The following RBFOX1 variants were observed in gnomAD, a reference collection of about 807,000 sequenced individuals.
RBFOX1 encodes RNA binding fox-1 homolog 1.
RBFOX1 carries 8 observed loss-of-function variants against 57.7 expected under a neutral mutation model. That is an observed-to-expected ratio of 0.14 (90% CI 0.08 to 0.25). The LOEUF is 0.25. RBFOX1 is among the 10% of genes least tolerant of loss of function. The pLI is 1.00. For missense variants in RBFOX1, 611 were observed against 548.5 expected (o/e 1.11, Z -1.14); for synonymous variants, 326 against 222.4 (o/e 1.47, Z -4.15).
At chr16:5,599,009 T>G in exon 3 of RBFOX1, 1 of 1,441,890 alleles carries the variant, frequency 6.9e-7, no homozygotes, top group Non-Finnish European at 9.4e-7. Context: ...AAACTACTTT[T>G]GCATCCTTTT....
intron 1 of RBFOX1, among the ~76,000 whole-genome samples, chr16:5,315,830 C>G (rs774925022): frequency 6.6e-6 from 1 of 152,128 alleles, no homozygotes; most frequent in African/African-American, 2.4e-5. Flanking sequence ...GGATGTCCAC[C>G]TCTGTGCTCA....
At chr16:5,517,449 G>A (rs1432660203) in intron 2 of RBFOX1, among the ~76,000 whole-genome samples, 1 of 152,050 alleles carries the variant, frequency 6.6e-6, no homozygotes, top group African/African-American at 2.4e-5. Context: ...TTTTCGGCTT[G>A]GCTTCCAATA....
chr16:6,498,784 T>C (rs557976734), intron 2 of RBFOX1, among the ~76,000 whole-genome samples: 9 of 152,324 alleles, frequency 5.9e-5, no homozygotes, highest in East Asian at 1.9e-4. Context: ...CAGAGTCCTA[T>C]TGAGGAAAGA....
intron 10 of RBFOX1, among the ~76,000 whole-genome samples, chr16:7,628,931 G>C (rs891997621): frequency 6.6e-6 from 1 of 152,164 alleles, no homozygotes; most frequent in Non-Finnish European, 1.5e-5. Flanking sequence ...GTTTTTAAAT[G>C]AAGAAGAAAG....
chr16:6,288,829 G>T (rs1353414227), intron 1 of RBFOX1, among the ~76,000 whole-genome samples: 1 of 152,000 alleles, frequency 6.6e-6, no homozygotes, highest in East Asian at 1.9e-4. Flanking sequence ...ACCTGCTTGG[G>T]GTACTACTGA....
chr16:6,806,060 A>T (rs888803399), intron 3 of RBFOX1, among the ~76,000 whole-genome samples: 7 of 152,214 alleles, frequency 4.6e-5, no homozygotes, highest in African/African-American at 1.7e-4. Context: ...GAAGTCATCC[A>T]GCAGCTTGGA....
chr16:5,693,200 T>G (rs2050744800), intron 3 of RBFOX1, among the ~76,000 whole-genome samples: 1 of 152,142 alleles, frequency 6.6e-6, no homozygotes, highest in Non-Finnish European at 1.5e-5. Flanking sequence ...TCTTCTCTCC[T>G]GCCCATGGGC....
intron 3 of RBFOX1, among the ~76,000 whole-genome samples, chr16:6,779,056 C>A (rs752972450): frequency 1.3e-5 from 2 of 151,938 alleles, no homozygotes; most frequent in Non-Finnish European, 2.9e-5. Flanking sequence ...ATATACAATG[C>A]ATTATTGTTA....
chr16:5,810,291 A>T (rs1295856301), intron 3 of RBFOX1, among the ~76,000 whole-genome samples: 1 of 152,090 alleles, frequency 6.6e-6, no homozygotes, highest in East Asian at 1.9e-4. Flanking sequence ...TAACCTGCAC[A>T]TTGTGCACAT....
chr16:7,119,554 A>G (rs1167150892), intron 4 of RBFOX1, among the ~76,000 whole-genome samples: 2 of 152,106 alleles, frequency 1.3e-5, no homozygotes, highest in Non-Finnish European at 2.9e-5. Flanking sequence ...ATGTTTCACT[A>G]CATATCAAAG....
chr16:7,467,791 C>T (rs2060801009), intron 4 of RBFOX1, among the ~76,000 whole-genome samples: 1 of 152,204 alleles, frequency 6.6e-6, no homozygotes, highest in Non-Finnish European at 1.5e-5. Context: ...TTGGAAATTA[C>T]TTTTGCCCTG....
At chr16:7,593,033 T>C (rs1215700409) in intron 7 of RBFOX1, among the ~76,000 whole-genome samples, 1 of 151,466 alleles carries the variant, frequency 6.6e-6, no homozygotes, top group Non-Finnish European at 1.5e-5. Flanking sequence ...CAGCCTGGTC[T>C]CAAACTCCTG....
intron 3 of RBFOX1, among the ~76,000 whole-genome samples, chr16:6,814,562 A>G (rs1026240716): frequency 7.9e-5 from 12 of 152,132 alleles, no homozygotes; most frequent in Admixed American, 2.0e-4. Context: ...GGGAAGTTAC[A>G]CTGATGAGCA....
chr16:5,585,576 G>A (rs1185372221), intron 2 of RBFOX1, among the ~76,000 whole-genome samples: 1 of 152,230 alleles, frequency 6.6e-6, no homozygotes, highest in African/African-American at 2.4e-5. Flanking sequence ...GCAGCTAGGT[G>A]TGTATGAGCT....
intron 4 of RBFOX1, among the ~76,000 whole-genome samples, chr16:7,173,836 T>A (rs1157234152): frequency 2.6e-5 from 4 of 152,264 alleles, no homozygotes; most frequent in Non-Finnish European, 5.9e-5. Flanking sequence ...TGTCCTATAA[T>A]ACTGTGACGT....
intron 3 of RBFOX1, among the ~76,000 whole-genome samples, chr16:6,792,405 C>G (rs958062856): frequency 2.0e-5 from 3 of 152,236 alleles, no homozygotes; most frequent in East Asian, 3.9e-4. Flanking sequence ...TTTGATTTAG[C>G]AAATAGGTAG....
At chr16:6,650,336 G>C (rs1222270801) in intron 2 of RBFOX1, among the ~76,000 whole-genome samples, 1 of 151,964 alleles carries the variant, frequency 6.6e-6, no homozygotes, top group African/African-American at 2.4e-5. Context: ...GCAAGGAAAA[G>C]AATGAAACCT....
chr16:6,905,102 T>TAAAAAAA (rs974440013), intron 3 of RBFOX1, among the ~76,000 whole-genome samples: 2 of 152,254 alleles, frequency 1.3e-5, no homozygotes, highest in South Asian at 2.1e-4. Flanking sequence ...TCAGTGTTGT[T>TAAAAAAA]AAAAAATCCA....
chr16:6,688,253 C>G (rs934478657), intron 3 of RBFOX1, among the ~76,000 whole-genome samples: 4 of 151,818 alleles, frequency 2.6e-5, no homozygotes, highest in African/African-American at 4.8e-5. Flanking sequence ...GCAGGAGGTG[C>G]TACACAATTG....
Sources: gnomAD v4.1 joint callset for allele counts (sites outside exome capture counted in the v4.1 genomes callset) on GRCh38, gnomAD v4.1.1 for gene constraint, MANE v1.5 for transcripts, NCBI Gene and HGNC (gene_info 2026-07-23, HGNC 2026-07-21) for gene names.